The following ZNF48 variants were observed in gnomAD, a reference collection of about 807,000 sequenced individuals.
The protein encoded by ZNF48 is zinc finger protein 48, also known as zinc finger protein 553.
Under a neutral mutation model 40.0 loss-of-function variants are expected in ZNF48, and 20 were observed. The observed-to-expected ratio is 0.50, with a 90% CI of 0.35 to 0.73. The LOEUF is 0.73. ZNF48 is among the 30% of genes least tolerant of loss of function. The pLI is 0.01. For missense variants in ZNF48, 726 were observed against 851.9 expected (o/e 0.85, Z 1.84); for synonymous variants, 298 against 329.7 (o/e 0.90, Z 1.04).
chr16:30,379,950 C>T (rs770275867), intron 1 of ZNF48: 2 of 1,567,500 alleles, frequency 1.3e-6, no homozygotes, highest in Admixed American at 3.4e-5. Flanking sequence ...CTGCATCCTG[C>T]CTCTTGAAGT....
chr16:30,385,038 T>C (rs1354288939), intron 1 of ZNF48, among the ~76,000 whole-genome samples: 1 of 151,766 alleles, frequency 6.6e-6, no homozygotes, highest in East Asian at 1.9e-4. Context: ...TAGCAGGGCG[T>C]GATGGCGCAT....
In ZNF48 at chr16:30,381,280, G is replaced by T. The variant is rs745970100; in HGVS notation, c.-16+2870G>T. 30 of 1,612,996 alleles carry T rather than the reference G, an allele frequency of 1.9e-5. No individual in the cohort carries two copies. Among genetic ancestry groups the T allele is most frequent in the South Asian group, 1.4e-4 (13 of 91,052 alleles). ...GGATTGGTCATTGCCCAGCCTCAGG[G>T]GGCAGAGACCCCCCAGCCCTCCCTA... On this transcript the variant is annotated intron_variant, in intron 1 of 2. Transcript: ENST00000528032. This position sits in a 1 kb window ranked among gnomAD's most constrained non-coding sequence, Gnocchi z 4.3.
Position 30,395,738 on chromosome 16 carries a change from A to C in ZNF48, c.-15-42A>C. 7.0e-7 allele frequency: 1 copy of C among 1,420,756 alleles called. No homozygotes were observed. The highest frequency in any genetic ancestry group is 9.3e-7 in the Non-Finnish European group (1 of 1,078,514). 88.0% of individuals were successfully genotyped at this position (1,420,756 alleles called of 1,614,324 possible). On this transcript the variant is annotated intron_variant, in intron 1 of 2. Transcript: ENST00000613509. This position sits in a 1 kb window ranked among gnomAD's most constrained non-coding sequence, Gnocchi z 5.9. ...AGCGGCAGGGCGCCGCGGGCCACAC[A>C]TGGCTGCGTGACCGCGGGATGCTGT... is the stretch of plus-strand genomic sequence containing the variant.
At position 30,398,464 on chromosome 16, in the gene ZNF48, C is replaced by T. The variant is rs2050012844; in HGVS notation, c.1214C>T (p.Pro405Leu). ...CTGATCCCCAGCCCACCCCCACCTC[C>T]TCTGGGCACCAGCCCCCCGCTGACA... ...PALIPSPPPP[P>L]LGTSPPLTPR... The change falls in exon 3 of 3, where the codon CCT becomes CTT. Residue 405 changes from proline (P) to leucine (L), a missense_variant. Pro to Leu is a moderately conservative substitution (Grantham distance 98, BLOSUM62 -3). Transcript: ENST00000613509. This position sits in a 1 kb window ranked among gnomAD's most constrained non-coding sequence, Gnocchi z 6.6. 1 of 1,588,750 alleles carries T rather than the reference C, an allele frequency of 6.3e-7. No homozygotes were observed. Among genetic ancestry groups the T allele is most frequent in the Non-Finnish European group, 8.6e-7 (1 of 1,165,572 alleles).
chr16:30,381,323 G>A lies in ZNF48; in HGVS notation c.-16+2913G>A. ...CCTCCCTAAATGCGCCAGCCCCCAG[G>A]ATCCCCCCACCAGACCCCCGGCCGA... On this transcript the variant is annotated intron_variant, in intron 1 of 2. Transcript: ENST00000528032. The surrounding 1 kb of genome is among the most constrained non-coding windows in gnomAD (Gnocchi z 4.3). 1 of 1,611,614 alleles carries A rather than the reference G, an allele frequency of 6.2e-7. No homozygotes were observed. Among genetic ancestry groups the A allele is most frequent in the Non-Finnish European group, 8.5e-7 (1 of 1,178,502 alleles).
rs1437367587 is a variant in ZNF48 at position 30,400,021 on chromosome 16, G to C, written c.*914G>C. 3 of 152,220 alleles carry C rather than the reference G, an allele frequency of 2.0e-5. No individual in the cohort carries two copies. The highest frequency in any genetic ancestry group is 2.9e-5 in the Non-Finnish European group (2 of 68,074). 9.4% of individuals were successfully genotyped at this position (152,220 alleles called of 1,614,324 possible). On this transcript the variant is annotated 3_prime_UTR_variant, in exon 3 of 3. Coordinates refer to ENST00000613509, the MANE Select transcript of ZNF48 (RefSeq NM_001214909.2). ...ACACAGGCATGAAAAAGGTGGAGAGGGGTCTCTGCGCGCAAAACTCAGACT... is the reference window on the plus strand; with the variant it reads ...ACACAGGCATGAAAAAGGTGGAGAGCGGTCTCTGCGCGCAAAACTCAGACT...
At chr16:30,387,788 A>T (rs2049913017) in intron 1 of ZNF48, among the ~76,000 whole-genome samples, 1 of 151,418 alleles carries the variant, frequency 6.6e-6, no homozygotes, top group South Asian at 2.1e-4. Flanking sequence ...TGAACTTCTG[A>T]CCTCAGGTGC....
chr16:30,385,777 G>A (rs977976387), intron 1 of ZNF48, among the ~76,000 whole-genome samples: 11 of 151,648 alleles, frequency 7.3e-5, no homozygotes, highest in African/African-American at 2.7e-4. Flanking sequence ...TTCAGACCCT[G>A]ATCAACTCTT....
intron 1 of ZNF48, chr16:30,379,467 C>T (rs761882617): frequency 6.2e-7 from 1 of 1,613,944 alleles, no homozygotes; most frequent in Non-Finnish European, 8.5e-7. Context: ...GCGGCGTCCC[C>T]TCACCGGCCG....
chr16:30,395,748 G>T lies in ZNF48; in HGVS notation c.-15-32G>T. 2 of 1,446,434 alleles carry T rather than the reference G, an allele frequency of 1.4e-6. No individual in the cohort carries two copies. Among genetic ancestry groups the T allele is most frequent in the South Asian group, 1.4e-5 (1 of 73,866 alleles). The allele number at this position is 1,446,434 out of a possible 1,614,324, so 89.6% of individuals were successfully genotyped here. On this transcript the variant is annotated intron_variant, in intron 1 of 2. Transcript: ENST00000613509. This position sits in a 1 kb window ranked among gnomAD's most constrained non-coding sequence, Gnocchi z 5.9. ...CGCCGCGGGCCACACATGGCTGCGT[G>T]ACCGCGGGATGCTGTCTGTCCCCTT...
Position 30,397,756 on chromosome 16 carries a change from G to A in ZNF48, c.506G>A (p.Arg169Lys). The change falls in exon 3 of 3, where the codon AGA (arginine) becomes AAA (lysine). Residue 169 changes from arginine to lysine, a missense_variant. This residue lies in a region of ZNF48 where 378 missense variants were observed against 449.1 expected (regional missense o/e 0.84). Coordinates refer to ENST00000613509, the MANE Select transcript of ZNF48 (RefSeq NM_001214909.2). The surrounding 1 kb of genome is among the most constrained non-coding windows in gnomAD (Gnocchi z 4.1). Reference sequence around the variant, plus strand: ...ACTCATAGTGGGGAGAAGCCCTATAGAGCCCGGCCACCAGCCCAGGGTCCC... The same window carrying A: ...ACTCATAGTGGGGAGAAGCCCTATAAAGCCCGGCCACCAGCCCAGGGTCCC... Reference protein sequence around the residue: ...QRTHSGEKPYRARPPAQGPPK... With the variant: ...QRTHSGEKPYKARPPAQGPPK... 6.2e-7 allele frequency: 1 copy of A among 1,613,760 alleles called. No homozygotes were observed. The highest frequency in any genetic ancestry group is 1.1e-5 in the South Asian group (1 of 91,078).
chr16:30,382,393 C>T lies in ZNF48; in HGVS notation c.-16+3983C>T. 6.3e-7 allele frequency: 1 copy of T among 1,590,696 alleles called. No individual in the cohort carries two copies. Among genetic ancestry groups the T allele is most frequent in the South Asian group, 1.1e-5 (1 of 88,842 alleles). Reference sequence around the variant, plus strand: ...ATGGATGGGGGTGGACAATATGAGGCTGCTGGCAATGGCAGGCAGGGTCCC... The same window carrying T: ...ATGGATGGGGGTGGACAATATGAGGTTGCTGGCAATGGCAGGCAGGGTCCC... On this transcript the variant is annotated intron_variant, in intron 1 of 2. Transcript: ENST00000528032. This position sits in a 1 kb window ranked among gnomAD's most constrained non-coding sequence, Gnocchi z 4.8.
In ZNF48 at chr16:30,397,983, G is replaced by A; in HGVS notation, c.733G>A (p.Glu245Lys). 6.2e-7 allele frequency: 1 copy of A among 1,613,844 alleles called. No individual in the cohort carries two copies. The change falls in exon 3 of 3, where the codon GAG (glutamate) becomes AAG (lysine). Residue 245 changes from glutamate to lysine, a missense_variant. Coordinates refer to ENST00000613509, the MANE Select transcript of ZNF48 (RefSeq NM_001214909.2). This position sits in a 1 kb window ranked among gnomAD's most constrained non-coding sequence, Gnocchi z 4.1. ...RIKHQRTHRGEQPPRPVVPRR... is the reference protein window; with the variant it reads ...RIKHQRTHRGKQPPRPVVPRR... ...CAAGCACCAGCGGACACACCGGGGG[G>A]AGCAGCCCCCCCGACCAGTGGTGCC...
At position 30,381,531 on chromosome 16, in the gene ZNF48, G is replaced by C; in HGVS notation, c.-16+3121G>C. Reference sequence around the variant, plus strand: ...TCAAAGGCCAGAGGGCAGGGGGCAAGGCTAGCCAGGACTGTGGGAGTAGAA... The same window carrying C: ...TCAAAGGCCAGAGGGCAGGGGGCAACGCTAGCCAGGACTGTGGGAGTAGAA... On this transcript the variant is annotated intron_variant, in intron 1 of 2. Coordinates refer to the ZNF48 transcript ENST00000528032. This position sits in a 1 kb window ranked among gnomAD's most constrained non-coding sequence, Gnocchi z 4.3. 6.3e-7 allele frequency: 1 copy of C among 1,597,502 alleles called. No individual in the cohort carries two copies. The highest frequency in any genetic ancestry group is 8.6e-7 in the Non-Finnish European group (1 of 1,166,284).
In ZNF48 at chr16:30,399,162, T is replaced by C; in HGVS notation, c.*55T>C. On this transcript the variant is annotated 3_prime_UTR_variant, in exon 3 of 3. Coordinates refer to ENST00000613509, the MANE Select transcript of ZNF48 (RefSeq NM_001214909.2). Reference sequence around the variant, plus strand: ...GACCAAAGGGAGGGGCTCTGCCGCTTAGCAGAGAAGAAAGGGCCTGGGAGG... The same window carrying C: ...GACCAAAGGGAGGGGCTCTGCCGCTCAGCAGAGAAGAAAGGGCCTGGGAGG... 6.7e-7 allele frequency: 1 copy of C among 1,482,144 alleles called. No individual in the cohort carries two copies. The highest frequency in any genetic ancestry group is 9.0e-7 in the Non-Finnish European group (1 of 1,112,956). The allele number at this position is 1,482,144 out of a possible 1,614,324, so 91.8% of individuals were successfully genotyped here.
At position 30,397,532 on chromosome 16, in the gene ZNF48, C is replaced by T. The variant is rs758255662; in HGVS notation, c.282C>T (p.Gly94=). ...GLGKPQPRDR[G]PRLLGEPRWG... ...GAAAGCCTCAGCCTCGGGACAGAGG[C>T]CCCCGGCTCCTGGGTGAACCACGCT... is the stretch of plus-strand genomic sequence containing the variant. Residue 94 remains glycine, a synonymous_variant, in exon 3 of 3, where the codon GGC becomes GGT. Transcript: ENST00000613509. This position sits in a 1 kb window ranked among gnomAD's most constrained non-coding sequence, Gnocchi z 4.1. 6 of 1,614,094 alleles carry T rather than the reference C, an allele frequency of 3.7e-6. No homozygotes were observed. Among genetic ancestry groups the T allele is most frequent in the South Asian group, 1.1e-5 (1 of 91,084 alleles).
At position 30,382,406 on chromosome 16, in the gene ZNF48, C is replaced by T. The variant is rs1467167731; in HGVS notation, c.-16+3996C>T. The T allele has an allele frequency of 2.5e-6, 4 of 1,576,110 alleles. No individual in the cohort carries two copies. Among genetic ancestry groups the T allele is most frequent in the South Asian group, 1.1e-5 (1 of 87,812 alleles). ...GACAATATGAGGCTGCTGGCAATGG[C>T]AGGCAGGGTCCCCAGGATCACTTGA... On this transcript the variant is annotated intron_variant, in intron 1 of 2. Transcript: ENST00000528032. This position sits in a 1 kb window ranked among gnomAD's most constrained non-coding sequence, Gnocchi z 4.8.
At position 30,381,897 on chromosome 16, in the gene ZNF48, G is replaced by C; in HGVS notation, c.-16+3487G>C. 6.2e-7 allele frequency: 1 copy of C among 1,613,964 alleles called. No homozygotes were observed. Among genetic ancestry groups the C allele is most frequent in the East Asian group, 2.2e-5 (1 of 44,884 alleles). On this transcript the variant is annotated intron_variant, in intron 1 of 2. Transcript: ENST00000528032. The surrounding 1 kb of genome is among the most constrained non-coding windows in gnomAD (Gnocchi z 4.3). ...GTGTCAAGCGAGCTGTGGGATGGGG[G>C]AGAGGTCAGGGATCCGGGGAGGCTC... is the stretch of plus-strand genomic sequence containing the variant.
At position 30,398,334 on chromosome 16, in the gene ZNF48, C is replaced by T; in HGVS notation, c.1084C>T (p.Pro362Ser). Residue 362 changes from proline to serine, a missense_variant, in exon 3 of 3, where the codon CCG becomes TCG. Physicochemically the swap from Pro to Ser is moderately conservative, Grantham distance 74. Around this residue, in one of 5 missense-constraint regions of ZNF48, gnomAD observed 378 missense variants for 449.1 expected, o/e 0.84. Transcript: ENST00000613509. This position sits in a 1 kb window ranked among gnomAD's most constrained non-coding sequence, Gnocchi z 6.6. ...CAGTGGCGAGAGGCCCCATGCCTGC[C>T]CGGAATGCGACCGTACCTTCAGCCT... is the stretch of plus-strand genomic sequence containing the variant. Reference protein sequence around the residue: ...THSGERPHACPECDRTFSLSS... With the variant: ...THSGERPHACSECDRTFSLSS... 1.2e-6 allele frequency: 2 copies of T among 1,613,376 alleles called. No homozygotes were observed. The highest frequency in any genetic ancestry group is 1.7e-6 in the Non-Finnish European group (2 of 1,179,924).
Sources: gnomAD v4.1 joint callset for allele counts (sites outside exome capture counted in the v4.1 genomes callset) on GRCh38, gnomAD v4.1.1 for gene constraint, gnomAD v4.1.1 regional missense constraint, Gnocchi (gnomAD v3.1) non-coding constraint, MANE v1.5 for transcripts, NCBI Gene and HGNC (gene_info 2026-07-23, HGNC 2026-07-21) for gene names.